C5orf15: variants seen among roughly 807,000 people sequenced by gnomAD.
C5orf15 encodes the protein chromosome 5 open reading frame 15.
Under a neutral mutation model 17.8 loss-of-function variants are expected in C5orf15, and 10 were observed. The observed-to-expected ratio is 0.56, with a 90% CI of 0.35 to 0.95. The LOEUF (loss-of-function observed/expected upper bound fraction) is 0.95. Ranked by LOEUF, C5orf15 falls within the 40% of genes least tolerant of loss-of-function variation. The probability of loss-of-function intolerance (pLI) is 0.02; values close to 1 mark genes in which losing one functional copy is unlikely to be tolerated. For missense variants in C5orf15, 319 were observed against 331.7 expected (o/e 0.96, Z 0.30); for synonymous variants, 124 against 131.0 (o/e 0.95, Z 0.36).
intron 1 of C5orf15, among the ~76,000 whole-genome samples, chr5:133,961,873 G>A (rs1487471056): frequency 6.6e-6 from 1 of 151,398 alleles, no homozygotes; most frequent in African/African-American, 2.4e-5. Context: ...CAAAGTACTG[G>A]GATTACAGTA....
chr5:133,958,780 C>A (rs1225457032), intron 2 of C5orf15, among the ~76,000 whole-genome samples: 2 of 151,174 alleles, frequency 1.3e-5, no homozygotes, highest in African/African-American at 4.9e-5. Context: ...CACTTTATAA[C>A]CAGAAAAAAA....
intron 2 of C5orf15, among the ~76,000 whole-genome samples, chr5:133,957,362 CAA>C (rs542952355): frequency 1.6e-4 from 16 of 102,120 alleles, no homozygotes; most frequent in Admixed American, 2.1e-4. Flanking sequence ...GACCCTGTCT[CAA>C]AAAAAAAAAA....
chr5:133,967,902 T>C (rs1040652069), intron 1 of C5orf15, among the ~76,000 whole-genome samples: 4 of 152,180 alleles, frequency 2.6e-5, no homozygotes, highest in Non-Finnish European at 4.4e-5. Flanking sequence ...ACTGGATTAC[T>C]GCCCCTGCCC....
chr5:133,962,445 C>A (rs1465658800), intron 1 of C5orf15, among the ~76,000 whole-genome samples: 1 of 152,200 alleles, frequency 6.6e-6, no homozygotes, highest in African/African-American at 2.4e-5. Context: ...CCTTTTCAGA[C>A]CATTCTCCCG....
intron 2 of C5orf15, among the ~76,000 whole-genome samples, chr5:133,958,052 A>T (rs778914738): frequency 7.4e-4 from 113 of 151,970 alleles, no homozygotes; most frequent in Admixed American, 2.8e-3. Context: ...TGTTCATCAC[A>T]ATATTATTTC....
chr5:133,968,479 C>T lies in C5orf15; in HGVS notation c.106G>A (p.Ala36Thr). The change falls in exon 1 of 3, where the codon GCG becomes ACG. Residue 36 changes from alanine (A) to threonine (T), a missense_variant. Transcript: ENST00000231512. ...AGAGCGGCGGACACAAGCAGGAGCGCCAAGACCAGCGGCCGCGCCAACCCC... is the reference window on the plus strand; with the variant it reads ...AGAGCGGCGGACACAAGCAGGAGCGTCAAGACCAGCGGCCGCGCCAACCCC... ...LVGLARPLVLALLLVSAALSS... is the reference protein window; with the variant it reads ...LVGLARPLVLTLLLVSAALSS... The T allele has an allele frequency of 1.2e-6, 2 of 1,604,528 alleles. No individual in the cohort carries two copies. The highest frequency in any genetic ancestry group is 1.7e-6 in the Non-Finnish European group (2 of 1,176,104).
At chr5:133,967,154 A>G (rs146380511) in intron 1 of C5orf15, among the ~76,000 whole-genome samples, 108 of 152,358 alleles carry the variant, frequency 7.1e-4, no homozygotes, top group African/African-American at 2.5e-3. Context: ...AAGCTACTTA[A>G]GTACTTTAGG....
intron 1 of C5orf15, among the ~76,000 whole-genome samples, chr5:133,960,338 T>C (rs1487146004): frequency 1.3e-5 from 2 of 152,206 alleles, no homozygotes; most frequent in South Asian, 4.1e-4. Context: ...CATACAGCCC[T>C]CACCCATCCC....
Position 133,959,866 on chromosome 5 carries a change from T to G in C5orf15, c.294A>C (p.Gly98=). 1 of 1,614,096 alleles carries G rather than the reference T, an allele frequency of 6.2e-7. No homozygotes were observed. Among genetic ancestry groups the G allele is most frequent in the Non-Finnish European group, 8.5e-7 (1 of 1,180,010 alleles). The change falls in exon 2 of 3, where the codon GGA becomes GGC. Residue 98 remains glycine (G), a synonymous_variant. Transcript: ENST00000231512. ...LPPTTSTKKS[G]GASVVPHPSP... The stretch of plus-strand genomic sequence containing the variant: ...AGGGATGAGGGACCACAGATGCTCC[T>G]CCACTTTTCTTGGTACTCGTCGTGG...
chr5:133,962,747 A>T (rs1752142453), intron 1 of C5orf15, among the ~76,000 whole-genome samples: 1 of 152,136 alleles, frequency 6.6e-6, no homozygotes, highest in African/African-American at 2.4e-5. Flanking sequence ...ACTTGCTGGC[A>T]AGACCTCCTA....
At chr5:133,960,951 CCT>C (rs2126877193) in intron 1 of C5orf15, among the ~76,000 whole-genome samples, 1 of 150,956 alleles carries the variant, frequency 6.6e-6, no homozygotes, top group African/African-American at 2.4e-5. Flanking sequence ...AAAAAAAAAA[CCT>C]CTGTCATGTA....
chr5:133,965,689 GC>G (rs1385081829), intron 1 of C5orf15, among the ~76,000 whole-genome samples: 1 of 152,226 alleles, frequency 6.6e-6, no homozygotes, highest in East Asian at 1.9e-4. Flanking sequence ...ACTTTGGGAG[GC>G]CAGGGCAAGT....
chr5:133,958,731 ACTC>A (rs1187321311), intron 2 of C5orf15, among the ~76,000 whole-genome samples: 6 of 152,070 alleles, frequency 3.9e-5, no homozygotes, highest in Non-Finnish European at 5.9e-5. Context: ...TCTTTTCTAA[ACTC>A]TTCTGTTTTC....
At chr5:133,965,108 C>T (rs1752173422) in intron 1 of C5orf15, among the ~76,000 whole-genome samples, 1 of 152,206 alleles carries the variant, frequency 6.6e-6, no homozygotes. Flanking sequence ...CCTAACAGCT[C>T]TATCCCCATT....
Position 133,960,038 on chromosome 5 carries a change from T to C in C5orf15, c.140-18A>G, listed in dbSNP as rs779090026. ...TGATACAACTGAAACAAACAAAGAA[T>C]ATCAAACTGAAATCTCCAACTTTAT... On this transcript the variant is annotated intron_variant, in intron 1 of 2. Coordinates refer to ENST00000231512, the MANE Select transcript of C5orf15 (RefSeq NM_020199.3). The C allele has an allele frequency of 6.4e-7, 1 of 1,561,980 alleles. No homozygotes were observed. The highest frequency in any genetic ancestry group is 8.7e-7 in the Non-Finnish European group (1 of 1,152,428).
rs1335004713 is a variant in C5orf15, at chr5:133,956,757, A to G, written c.*102T>C. On this transcript the variant is annotated 3_prime_UTR_variant, in exon 3 of 3. Coordinates refer to ENST00000231512, the MANE Select transcript of C5orf15 (RefSeq NM_020199.3). ...AAGCACCAAGGCAAAAGAGAGACTC[A>G]CCTCTCATTTAAGTACCAATTGCCT... is the stretch of plus-strand genomic sequence containing the variant. The G allele has an allele frequency of 1.1e-5, 13 of 1,160,482 alleles. No homozygotes were observed. Among genetic ancestry groups the G allele is most frequent in the African/African-American group, 1.6e-5 (1 of 62,156 alleles). 71.9% of individuals were successfully genotyped at this position (1,160,482 alleles called of 1,614,324 possible).
At chr5:133,961,560 A>C (rs1456648776) in intron 1 of C5orf15, among the ~76,000 whole-genome samples, 2 of 151,320 alleles carry the variant, frequency 1.3e-5, no homozygotes, top group Non-Finnish European at 2.9e-5. Context: ...AAAAAAAAAA[A>C]AAACCAATAA....
Position 133,959,773 on chromosome 5 carries a change from A to T in C5orf15, c.387T>A (p.Leu129=). Residue 129 remains leucine, a synonymous_variant, in exon 2 of 3, where the codon CTT becomes CTA. Coordinates refer to ENST00000231512, the MANE Select transcript of C5orf15 (RefSeq NM_020199.3). ...NEDPSIEEED[L]LMLNSSPSTA... Reference sequence around the variant, plus strand: ...TGGATGGAGAACTGTTCAGCATGAGAAGATCCTCCTCCTCTATACTAGGAT... The same window carrying T: ...TGGATGGAGAACTGTTCAGCATGAGTAGATCCTCCTCCTCTATACTAGGAT... 2 of 1,614,134 alleles carry T rather than the reference A, an allele frequency of 1.2e-6. No individual in the cohort carries two copies. The highest frequency in any genetic ancestry group is 1.7e-6 in the Non-Finnish European group (2 of 1,180,020).
Position 133,968,456 on chromosome 5 carries a change from A to T in C5orf15, c.129T>A (p.Ala43=), listed in dbSNP as rs1249692321. Residue 43 remains alanine, a synonymous_variant, in exon 1 of 3, where the codon GCT becomes GCA. Coordinates refer to ENST00000231512, the MANE Select transcript of C5orf15 (RefSeq NM_020199.3). ...LVLALLLVSA[A]LSSVVSRTDS... ...GCCGCCCCCCTTTACCACTGGATAG[A>T]GCGGCGGACACAAGCAGGAGCGCCA... 1 of 1,604,438 alleles carries T rather than the reference A, an allele frequency of 6.2e-7. No homozygotes were observed. Among genetic ancestry groups the T allele is most frequent in the East Asian group, 2.2e-5 (1 of 44,586 alleles).
Sources: gnomAD v4.1 joint callset for allele counts (sites outside exome capture counted in the v4.1 genomes callset) on GRCh38, gnomAD v4.1.1 for gene constraint, MANE v1.5 for transcripts, NCBI Gene and HGNC (gene_info 2026-07-23, HGNC 2026-07-21) for gene names.